The following KLHL6 variants were observed in gnomAD, a reference collection of about 807,000 sequenced individuals.
KLHL6 encodes kelch-like protein 6.
Under a neutral mutation model 58.6 loss-of-function variants are expected in KLHL6, and 41 were observed. That is an observed-to-expected ratio of 0.70 (90% CI 0.55 to 0.91). The LOEUF (loss-of-function observed/expected upper bound fraction) is 0.91. KLHL6 is among the 40% of genes least tolerant of loss of function. The pLI, the probability that KLHL6 is intolerant of heterozygous loss-of-function variation, is 0.00. For missense variants in KLHL6, 714 were observed against 805.6 expected (o/e 0.89, Z 1.38); for synonymous variants, 338 against 322.7 (o/e 1.05, Z -0.51).
intron 1 of KLHL6, among the ~76,000 whole-genome samples, chr3:183,536,452 G>A (rs1712369785): frequency 6.6e-6 from 1 of 152,204 alleles, no homozygotes; most frequent in Non-Finnish European, 1.5e-5. Flanking sequence ...CGGGAGCCTG[G>A]GGAGGGCAGG....
intron 1 of KLHL6, among the ~76,000 whole-genome samples, chr3:183,541,685 C>CA (rs1341365032): frequency 6.6e-6 from 1 of 152,008 alleles, no homozygotes. Flanking sequence ...CACAAAACAA[C>CA]AAAAACAAAC....
intron 1 of KLHL6, among the ~76,000 whole-genome samples, chr3:183,531,195 C>T (rs1448604348): frequency 6.6e-6 from 1 of 151,852 alleles, no homozygotes; most frequent in Non-Finnish European, 1.5e-5. Flanking sequence ...TAATCAGGAC[C>T]ACTGCCTCGG....
At chr3:183,550,963 A>T (rs1246869839) in intron 1 of KLHL6, among the ~76,000 whole-genome samples, 1 of 147,312 alleles carries the variant, frequency 6.8e-6, no homozygotes, top group Non-Finnish European at 1.5e-5. Flanking sequence ...TACTAAAAAT[A>T]AAAAAAAATT....
In KLHL6 at chr3:183,491,899, G is replaced by C. The variant is rs1364657845; in HGVS notation, c.*28C>G. 6.9e-7 allele frequency: 1 copy of C among 1,458,662 alleles called. No individual in the cohort carries two copies. Among genetic ancestry groups the C allele is most frequent in the Non-Finnish European group, 9.1e-7 (1 of 1,101,696 alleles). 90.4% of individuals were successfully genotyped at this position (1,458,662 alleles called of 1,614,324 possible). The stretch of plus-strand genomic sequence containing the variant: ...GTGAGGCGGGTACGCTGAGGGTCGG[G>C]GGGGCTCTCCAGCTCCCCATCCTGC... On this transcript the variant is annotated 3_prime_UTR_variant, in exon 7 of 7. Coordinates refer to ENST00000341319, the MANE Select transcript of KLHL6 (RefSeq NM_130446.4).
intron 1 of KLHL6, among the ~76,000 whole-genome samples, chr3:183,535,132 A>G (rs569472544): frequency 1.2e-3 from 183 of 151,986 alleles, no homozygotes; most frequent in African/African-American, 3.9e-3. Flanking sequence ...TTTAGTAGAG[A>G]CGGGGTTTTA....
At position 183,494,103 on chromosome 3, in the gene KLHL6, G is replaced by T; in HGVS notation, c.1326C>A (p.Asp442Glu). 1 of 1,614,160 alleles carries T rather than the reference G, an allele frequency of 6.2e-7. No individual in the cohort carries two copies. Among genetic ancestry groups the T allele is most frequent in the Non-Finnish European group, 8.5e-7 (1 of 1,180,010 alleles). ...LQRINNVETY[D>E]PFHNCWSEAA... The stretch of plus-strand genomic sequence containing the variant: ...CCTCTGACCAGCAGTTGTGAAAGGG[G>T]TCGTAGGTCTCCACATTGTTGATTC... Residue 442 changes from aspartate (D) to glutamate (E), a missense_variant, in exon 5 of 7, where the codon GAC (aspartate) becomes GAA (glutamate). Asp to Glu is a conservative substitution (Grantham distance 45). Around this residue, in one of 2 missense-constraint regions of KLHL6, gnomAD observed 510 missense variants for 629.7 expected, o/e 0.81. Coordinates refer to ENST00000341319, the MANE Select transcript of KLHL6 (RefSeq NM_130446.4).
At chr3:183,549,139 G>A (rs1192724194) in intron 1 of KLHL6, among the ~76,000 whole-genome samples, 4 of 148,364 alleles carry the variant, frequency 2.7e-5, no homozygotes, top group Non-Finnish European at 5.9e-5. Context: ...TTCTGCACAT[G>A]TATCCCAGAA....
At chr3:183,531,823 C>A (rs1712175007) in intron 1 of KLHL6, among the ~76,000 whole-genome samples, 1 of 152,210 alleles carries the variant, frequency 6.6e-6, no homozygotes, top group South Asian at 2.1e-4. Context: ...TGGAAGCATA[C>A]ATCTTGTCTT....
intron 2 of KLHL6, among the ~76,000 whole-genome samples, chr3:183,508,846 T>C (rs17710232): frequency 0.03 from 4,541 of 152,328 alleles, 115 homozygotes; most frequent in Non-Finnish European, 0.044. Context: ...ATACAGTCGA[T>C]AGCTCTGTAG....
chr3:183,507,124 G>C (rs887251929), intron 3 of KLHL6, among the ~76,000 whole-genome samples: 8 of 152,100 alleles, frequency 5.3e-5, no homozygotes, highest in Non-Finnish European at 1.2e-4. Context: ...ACGTAGGCAG[G>C]AAGTATGGGC....
intron 4 of KLHL6, among the ~76,000 whole-genome samples, chr3:183,496,664 G>A (rs1717720415): frequency 2.6e-5 from 4 of 152,182 alleles, no homozygotes; most frequent in Admixed American, 1.3e-4. Context: ...CTCCCACCAT[G>A]TGCTTTGCAT....
intron 2 of KLHL6, 92 bp downstream of exon 2, chr3:183,527,753 A>C: frequency 2.8e-5 from 28 of 1,004,440 alleles, no homozygotes; most frequent in Non-Finnish European, 3.5e-5. Flanking sequence ...TGTCCCAGGT[A>C]CAGGCCTGGG....
chr3:183,521,975 G>T (rs570390828), intron 2 of KLHL6, among the ~76,000 whole-genome samples: 11 of 150,404 alleles, frequency 7.3e-5, no homozygotes, highest in African/African-American at 2.7e-4. Flanking sequence ...GATTACAGGC[G>T]TGAGCCACCG....
chr3:183,537,642 C>T (rs1364587837), intron 1 of KLHL6, among the ~76,000 whole-genome samples: 1 of 152,064 alleles, frequency 6.6e-6, no homozygotes, highest in Non-Finnish European at 1.5e-5. Flanking sequence ...TATCCACAGG[C>T]CCAAGAATCT....
chr3:183,493,663 C>T (rs1717633259), intron 5 of KLHL6: 1 of 176,974 alleles, frequency 5.7e-6, no homozygotes, highest in African/African-American at 2.4e-5. Flanking sequence ...TCTAACATGA[C>T]CAAATCACTC....
intron 3 of KLHL6, among the ~76,000 whole-genome samples, chr3:183,502,926 G>GC (rs1717907741): frequency 1.3e-5 from 2 of 152,192 alleles, no homozygotes; most frequent in Non-Finnish European, 2.9e-5. Flanking sequence ...AGGGTAATGA[G>GC]ACCTGTCTTA....
chr3:183,492,721 G>C lies in KLHL6; in HGVS notation c.1351-14C>G. 1.2e-6 allele frequency: 2 copies of C among 1,611,754 alleles called. No homozygotes were observed. The highest frequency in any genetic ancestry group is 2.2e-5 in the South Asian group (2 of 90,840). On this transcript the variant is annotated splice_polypyrimidine_tract_variant and intron_variant, in intron 5 of 6. Coordinates refer to ENST00000341319, the MANE Select transcript of KLHL6 (RefSeq NM_130446.4). This position sits in a 1 kb window ranked among gnomAD's most constrained non-coding sequence, Gnocchi z 5.9. Reference sequence around the variant, plus strand: ...GAGGGGTGCGGCCTGTAGAGGCACAGGGCACAAGAAGAAGCTGTCAGTCAT... The same window carrying C: ...GAGGGGTGCGGCCTGTAGAGGCACACGGCACAAGAAGAAGCTGTCAGTCAT...
chr3:183,511,035 A>G (rs533895197), intron 2 of KLHL6, among the ~76,000 whole-genome samples: 1 of 152,188 alleles, frequency 6.6e-6, no homozygotes, highest in Non-Finnish European at 1.5e-5. Flanking sequence ...CAGTGGGCCC[A>G]GGGGACCAGC....
At chr3:183,543,499 A>T (rs1417506424) in intron 1 of KLHL6, among the ~76,000 whole-genome samples, 1 of 152,154 alleles carries the variant, frequency 6.6e-6, no homozygotes, top group Non-Finnish European at 1.5e-5. Context: ...AGTTTTAAAG[A>T]CACTGCTAGT....
Sources: gnomAD v4.1 joint callset for allele counts (sites outside exome capture counted in the v4.1 genomes callset) on GRCh38, gnomAD v4.1.1 for gene constraint, gnomAD v4.1.1 regional missense constraint, Gnocchi (gnomAD v3.1) non-coding constraint, MANE v1.5 for transcripts, NCBI Gene and HGNC (gene_info 2026-07-23, HGNC 2026-07-21) for gene names.